Variants in SLC24A2 observed in about 807,000 individuals in gnomAD.
The protein encoded by SLC24A2 is sodium/potassium/calcium exchanger 2.
Under a neutral mutation model 62.0 loss-of-function variants are expected in SLC24A2, and 36 were observed. That is an observed-to-expected ratio of 0.58 (90% CI 0.44 to 0.77). SLC24A2 has a LOEUF of 0.77. Among genes scored for constraint, SLC24A2 ranks in the 30% least tolerant of loss-of-function variants. The probability of loss-of-function intolerance (pLI) is 0.00; values close to 1 mark genes in which losing one functional copy is unlikely to be tolerated. For synonymous variants in SLC24A2, 358 were observed against 294.0 expected, an observed-to-expected ratio of 1.22 and a Z score of -2.23; for missense variants, 846 against 817.9, an observed-to-expected ratio of 1.03 and a Z score of -0.42.
At chr9:19,704,530 C>T (rs1332678898) in intron 2 of SLC24A2, among the ~76,000 whole-genome samples, 3 of 152,030 alleles carry the variant, frequency 2.0e-5, no homozygotes, top group African/African-American at 7.2e-5. Flanking sequence ...TATGAACATG[C>T]CTCTTTCAAA....
the SLC24A2 span, among the ~76,000 whole-genome samples, chr9:20,295,749 GA>G: frequency 2.0e-5 from 3 of 152,162 alleles, no homozygotes; most frequent in African/African-American, 7.2e-5. Context: ...CTTGGACAGA[GA>G]GTTACACCAT....
chr9:19,702,891 T>C (rs1447302842), intron 2 of SLC24A2, among the ~76,000 whole-genome samples: 1 of 152,124 alleles, frequency 6.6e-6, no homozygotes, highest in Non-Finnish European at 1.5e-5. Flanking sequence ...AAAGTATACA[T>C]ATAGCAAAAC....
chr9:19,755,470 G>T (rs1028604550), intron 2 of SLC24A2, among the ~76,000 whole-genome samples: 1 of 152,198 alleles, frequency 6.6e-6, no homozygotes, highest in Admixed American at 6.5e-5. Context: ...AACTTATTAA[G>T]TGAAAACATA....
chr9:19,917,506 C>T, the SLC24A2 span, among the ~76,000 whole-genome samples: 2 of 151,824 alleles, frequency 1.3e-5, no homozygotes, highest in African/African-American at 4.8e-5. Flanking sequence ...TTCATTTACC[C>T]ATCCAGGAAC....
At chr9:19,945,077 C>T in the SLC24A2 span, among the ~76,000 whole-genome samples, 3,116 of 152,162 alleles carry the variant, frequency 0.02, 93 homozygotes, top group African/African-American at 0.072. Flanking sequence ...TTAAAGAATC[C>T]GGACAGCAAA....
the SLC24A2 span, among the ~76,000 whole-genome samples, chr9:20,305,365 A>G: frequency 2.0e-5 from 3 of 152,114 alleles, no homozygotes; most frequent in Non-Finnish European, 4.4e-5. Context: ...TCGGCCTCCC[A>G]AAGTGCTGGG....
the SLC24A2 span, among the ~76,000 whole-genome samples, chr9:20,234,488 C>T: frequency 4.6e-5 from 7 of 152,318 alleles, no homozygotes; most frequent in Admixed American, 2.0e-4. Context: ...CGTCTTCCAT[C>T]GCTGATACCC....
the SLC24A2 span, among the ~76,000 whole-genome samples, chr9:19,966,398 C>T: frequency 6.6e-6 from 1 of 152,142 alleles, no homozygotes; most frequent in African/African-American, 2.4e-5. Context: ...AAAGCCATTC[C>T]TGTTTAACAA....
chr9:20,060,339 C>T, the SLC24A2 span, among the ~76,000 whole-genome samples: 1 of 152,184 alleles, frequency 6.6e-6, no homozygotes, highest in Middle Eastern at 3.4e-3. Context: ...CAAAGTCAGA[C>T]AGAGATATCA....
the SLC24A2 span, among the ~76,000 whole-genome samples, chr9:19,956,082 A>G: frequency 6.6e-6 from 1 of 152,208 alleles, no homozygotes; most frequent in African/African-American, 2.4e-5. Context: ...CCTTAGGTCT[A>G]CTAACAAGGC....
chr9:19,906,142 G>A, the SLC24A2 span, among the ~76,000 whole-genome samples: 36 of 152,216 alleles, frequency 2.4e-4, no homozygotes, highest in Non-Finnish European at 4.6e-4. Flanking sequence ...AGACCACAGT[G>A]CAATCAAACT....
intron 2 of SLC24A2, among the ~76,000 whole-genome samples, chr9:19,742,707 C>A (rs913629714): frequency 4.6e-5 from 7 of 152,162 alleles, no homozygotes; most frequent in African/African-American, 1.7e-4. Context: ...TTAGAACATG[C>A]CTTCTTCAGG....
At chr9:20,266,973 T>C in the SLC24A2 span, among the ~76,000 whole-genome samples, 1 of 151,748 alleles carries the variant, frequency 6.6e-6, no homozygotes. Flanking sequence ...TCCTAGCTAC[T>C]TGGGTAGCTG....
intron 7 of SLC24A2, among the ~76,000 whole-genome samples, chr9:19,556,413 TC>T (rs759796260): frequency 6.5e-4 from 99 of 152,318 alleles, no homozygotes; most frequent in Non-Finnish European, 1.2e-3. Context: ...TGAGCAAGAT[TC>T]CAGAGTGAAG....
the SLC24A2 span, among the ~76,000 whole-genome samples, chr9:20,145,483 G>A: frequency 3.4e-4 from 52 of 151,832 alleles, 2 homozygotes; most frequent in South Asian, 9.4e-3. Flanking sequence ...ATTTATTCTC[G>A]ATTATAGTGA....
At chr9:20,283,657 T>C in the SLC24A2 span, among the ~76,000 whole-genome samples, 1 of 150,544 alleles carries the variant, frequency 6.6e-6, no homozygotes, top group Non-Finnish European at 1.5e-5. Context: ...TGGAAGTCTA[T>C]TTTAAAAGAC....
the SLC24A2 span, among the ~76,000 whole-genome samples, chr9:20,005,153 A>C: frequency 6.6e-6 from 1 of 152,268 alleles, no homozygotes; most frequent in South Asian, 2.1e-4. Flanking sequence ...ATCTACATGC[A>C]CCTGATAATC....
the SLC24A2 span, among the ~76,000 whole-genome samples, chr9:19,864,898 A>G: frequency 6.6e-6 from 1 of 152,078 alleles, no homozygotes; most frequent in African/African-American, 2.4e-5. Context: ...ACATCAAATT[A>G]TCCTTGTTTG....
the SLC24A2 span, among the ~76,000 whole-genome samples, chr9:20,225,215 A>G: frequency 6.6e-6 from 1 of 151,992 alleles, no homozygotes; most frequent in Non-Finnish European, 1.5e-5. Context: ...TGTAAAATGT[A>G]TTTTTAGAAA....
Sources: allele counts gnomAD v4.1 joint callset (sites outside exome capture counted in the v4.1 genomes callset), GRCh38; gene constraint gnomAD v4.1.1; transcripts MANE v1.5; gene names NCBI Gene and HGNC (gene_info 2026-07-23, HGNC 2026-07-21).